The following SRD5A2 variants were observed in gnomAD, a reference collection of about 807,000 sequenced individuals.
SRD5A2 encodes steroid 5 alpha-reductase 2.
In SRD5A2, 30 loss-of-function variants were observed where a neutral mutation model predicts 27.4. The ratio of observed to expected loss-of-function variants is 1.10; its 90% CI spans 0.82 to 1.49. SRD5A2 has a LOEUF of 1.49. Ranked by LOEUF, SRD5A2 falls within the 40% of genes most tolerant of loss-of-function variation. SRD5A2 has a pLI of 0.00. For missense variants in SRD5A2, 348 were observed against 323.4 expected (o/e 1.08, Z -0.58); for synonymous variants, 141 against 133.6 (o/e 1.06, Z -0.38).
intron 1 of SRD5A2, among the ~76,000 whole-genome samples, chr2:31,555,442 A>C (rs894786276): frequency 6.6e-6 from 1 of 152,158 alleles, no homozygotes; most frequent in Admixed American, 6.5e-5. Context: ...ATTCAACCCA[A>C]CAAATCTCGG....
chr2:31,632,248 C>A, the SRD5A2 span, among the ~76,000 whole-genome samples: 1 of 152,156 alleles, frequency 6.6e-6, no homozygotes, highest in Non-Finnish European at 1.5e-5. Context: ...AAAAAGGCCA[C>A]TGCTTGAGTC....
intron 1 of SRD5A2, among the ~76,000 whole-genome samples, chr2:31,570,624 AC>A (rs1666831170): frequency 6.6e-6 from 1 of 152,172 alleles, no homozygotes. Context: ...TACCTGGAAC[AC>A]CCCATAGTCT....
At chr2:31,574,608 A>C (rs1024506890) in intron 1 of SRD5A2, among the ~76,000 whole-genome samples, 9 of 152,250 alleles carry the variant, frequency 5.9e-5, no homozygotes, top group African/African-American at 1.9e-4. Flanking sequence ...TGAAAACTCC[A>C]AGACTCCTAC....
At chr2:31,537,291 C>T (rs1391427656) in intron 1 of SRD5A2, among the ~76,000 whole-genome samples, 2 of 152,134 alleles carry the variant, frequency 1.3e-5, no homozygotes, top group South Asian at 2.1e-4. Flanking sequence ...TCATCTACTA[C>T]TCCATTTTCC....
At chr2:31,595,107 C>A in the SRD5A2 span, among the ~76,000 whole-genome samples, 1 of 152,016 alleles carries the variant, frequency 6.6e-6, no homozygotes, top group African/African-American at 2.4e-5. Context: ...ATCAAAAAGT[C>A]TGAAAGACCA....
intron 1 of SRD5A2, among the ~76,000 whole-genome samples, chr2:31,575,276 G>T (rs1666934533): frequency 6.6e-6 from 1 of 152,198 alleles, no homozygotes; most frequent in Non-Finnish European, 1.5e-5. Context: ...TGAAATAAGA[G>T]AAGCATTGGC....
chr2:31,645,293 ATAACT>A, the SRD5A2 span, among the ~76,000 whole-genome samples: 5 of 152,310 alleles, frequency 3.3e-5, no homozygotes, highest in East Asian at 1.9e-4. Context: ...TAACTCTAAA[ATAACT>A]TAAAGAGTGT....
At chr2:31,536,452 T>C (rs1666028995) in intron 1 of SRD5A2, among the ~76,000 whole-genome samples, 1 of 152,142 alleles carries the variant, frequency 6.6e-6, no homozygotes, top group Non-Finnish European at 1.5e-5. Context: ...GTGTAGAAGA[T>C]TTTCTTAATG....
chr2:31,550,268 C>G (rs934996496), intron 1 of SRD5A2, among the ~76,000 whole-genome samples: 4 of 151,708 alleles, frequency 2.6e-5, no homozygotes, highest in African/African-American at 7.3e-5. Flanking sequence ...ATAGAGATAT[C>G]CTTGTCCAGA....
the SRD5A2 span, among the ~76,000 whole-genome samples, chr2:31,614,242 C>T: frequency 7.9e-5 from 12 of 152,214 alleles, no homozygotes; most frequent in Non-Finnish European, 1.6e-4. Context: ...GGGACATAAG[C>T]ATTGGATAAA....
At chr2:31,613,200 C>A in the SRD5A2 span, among the ~76,000 whole-genome samples, 1 of 151,936 alleles carries the variant, frequency 6.6e-6, no homozygotes, top group Non-Finnish European at 1.5e-5. Flanking sequence ...TTCTGCACAA[C>A]AAAGGAAACA....
At chr2:31,636,165 C>A in the SRD5A2 span, among the ~76,000 whole-genome samples, 1 of 151,922 alleles carries the variant, frequency 6.6e-6, no homozygotes, top group Non-Finnish European at 1.5e-5. Flanking sequence ...TCTTCCAATC[C>A]AAGAGCATTG....
chr2:31,658,166 C>A, the SRD5A2 span, among the ~76,000 whole-genome samples: 50 of 152,196 alleles, frequency 3.3e-4, no homozygotes, highest in East Asian at 5.8e-3. Context: ...TCAAAAAATT[C>A]TTTGAAGCAA....
chr2:31,522,525 A>C lies in SRD5A2; in HGVS notation c.*3671T>G, dbSNP rs1162010215. 2 of 194,628 alleles carry C rather than the reference A, an allele frequency of 1.0e-5. No individual in the cohort carries two copies. Among genetic ancestry groups the C allele is most frequent in the Non-Finnish European group, 2.1e-5 (2 of 93,452 alleles). 12.1% of individuals were successfully genotyped at this position (194,628 alleles called of 1,614,324 possible). On this transcript the variant is annotated 3_prime_UTR_variant, in exon 5 of 5. Coordinates refer to ENST00000622030, the MANE Select transcript of SRD5A2 (RefSeq NM_000348.4). ...CTCCAGTTATTTATTTTATTCATCCAAATCTCAAGCTAAGGTTGATGGGGA... is the reference window on the plus strand; with the variant it reads ...CTCCAGTTATTTATTTTATTCATCCCAATCTCAAGCTAAGGTTGATGGGGA...
At chr2:31,560,789 C>T (rs983021509) in intron 1 of SRD5A2, among the ~76,000 whole-genome samples, 2 of 152,140 alleles carry the variant, frequency 1.3e-5, no homozygotes, top group African/African-American at 4.8e-5. Flanking sequence ...CCCTACAGAG[C>T]TTGTCACACA....
chr2:31,532,032 C>G (rs1452332324), intron 2 of SRD5A2, among the ~76,000 whole-genome samples: 1 of 152,142 alleles, frequency 6.6e-6, no homozygotes, highest in African/African-American at 2.4e-5. Flanking sequence ...CGTCTTTCTT[C>G]CTGTCTTGAT....
At chr2:31,586,681 T>A in the SRD5A2 span, among the ~76,000 whole-genome samples, 1 of 152,150 alleles carries the variant, frequency 6.6e-6, no homozygotes, top group Non-Finnish European at 1.5e-5. Flanking sequence ...AACCATAGCA[T>A]TACTGGGATT....
At chr2:31,614,370 C>T in the SRD5A2 span, among the ~76,000 whole-genome samples, 1 of 152,222 alleles carries the variant, frequency 6.6e-6, no homozygotes, top group Non-Finnish European at 1.5e-5. Flanking sequence ...CCTTTGCCTC[C>T]ATATCTCACA....
the SRD5A2 span, among the ~76,000 whole-genome samples, chr2:31,621,135 A>T: frequency 1.3e-5 from 2 of 151,824 alleles, no homozygotes; most frequent in Admixed American, 6.6e-5. Context: ...CAATAGTAAC[A>T]TCTTCCAAAA....
Sources: gnomAD v4.1 joint callset for allele counts (sites outside exome capture counted in the v4.1 genomes callset) on GRCh38, gnomAD v4.1.1 for gene constraint, MANE v1.5 for transcripts, NCBI Gene and HGNC (gene_info 2026-07-23, HGNC 2026-07-21) for gene names.